Variants in HYDIN observed in about 807,000 individuals in gnomAD.
HYDIN encodes the protein HYDIN axonemal central pair apparatus protein.
In HYDIN, 132 loss-of-function variants were observed where a neutral mutation model predicts 403.9. That is an observed-to-expected ratio of 0.33 (90% CI 0.28 to 0.38). The LOEUF (loss-of-function observed/expected upper bound fraction) is 0.38, where lower values mean the gene tolerates loss of function less well. HYDIN is among the 10% of genes least tolerant of loss of function. The pLI is 1.00. For missense variants in HYDIN, 2,827 were observed against 5,009.5 expected, an observed-to-expected ratio of 0.56 and a Z score of 13.15; for synonymous variants, 1,202 against 1,891.7, an observed-to-expected ratio of 0.64 and a Z score of 9.46.
chr16:70,900,537 C>T (rs2656732), intron 53 of HYDIN, among the ~76,000 whole-genome samples: 135 of 137,152 alleles, frequency 9.8e-4, no homozygotes, highest in Non-Finnish European at 1.6e-3. Context: ...TGGAGGCCTG[C>T]GTCGGAAGGG....
chr16:70,850,793 G>C, intron 73 of HYDIN, 138 bp from the exon 74 acceptor site: 2 of 695,142 alleles, frequency 2.9e-6, no homozygotes, highest in Non-Finnish European at 4.7e-6. Context: ...AAGATTTGTG[G>C]CTATAGTAAC....
intron 43 of HYDIN, among the ~76,000 whole-genome samples, 166 bp from the exon 44 acceptor site, chr16:70,938,921 C>G (rs1184223244): frequency 6.6e-6 from 1 of 152,098 alleles, no homozygotes; most frequent in Admixed American, 6.5e-5. Context: ...TGCACTTCCA[C>G]ATTTGGGCTC....
chr16:71,210,209 C>T (rs1436719080), intron 1 of HYDIN, among the ~76,000 whole-genome samples: 3 of 152,150 alleles, frequency 2.0e-5, no homozygotes, highest in Non-Finnish European at 4.4e-5. Context: ...CACATGCACA[C>T]GTATGTTCAC....
chr16:71,098,875 AATGCC>A (rs2083370679), intron 10 of HYDIN, among the ~76,000 whole-genome samples: 1 of 148,776 alleles, frequency 6.7e-6, no homozygotes, highest in African/African-American at 2.5e-5. Context: ...GAGTACAAGT[AATGCC>A]CAGCCTTGAG....
chr16:70,979,327 G>T (rs1288880562), intron 29 of HYDIN, among the ~76,000 whole-genome samples: 1 of 150,652 alleles, frequency 6.6e-6, no homozygotes. Context: ...CACTCATAGG[G>T]TGACCCACTT....
At chr16:70,981,260 C>T in intron 29 of HYDIN, 131 bp downstream of exon 29, 1 of 1,368,420 alleles carries the variant, frequency 7.3e-7, no homozygotes, top group Non-Finnish European at 9.6e-7. Context: ...TTGGCAATTG[C>T]AGAATAACGT....
intron 53 of HYDIN, among the ~76,000 whole-genome samples, chr16:70,900,290 A>C (rs776550896): frequency 1.3e-4 from 20 of 150,190 alleles, no homozygotes; most frequent in Non-Finnish European, 2.1e-4. Flanking sequence ...AGCCTGGCCA[A>C]CATGGTGAAA....
intron 30 of HYDIN, among the ~76,000 whole-genome samples, chr16:70,976,235 T>C (rs924161289): frequency 6.6e-5 from 10 of 152,246 alleles, no homozygotes; most frequent in African/African-American, 9.6e-5. Flanking sequence ...TTGGATCTGG[T>C]TGGCTCTATA....
intron 18 of HYDIN, among the ~76,000 whole-genome samples, chr16:71,054,492 T>C (rs1469273041): frequency 6.6e-6 from 1 of 152,124 alleles, no homozygotes; most frequent in East Asian, 1.9e-4. Flanking sequence ...CATGGAATCT[T>C]CTAATACAGT....
At chr16:71,133,961 T>C (rs2084813399) in intron 8 of HYDIN, among the ~76,000 whole-genome samples, 1 of 152,120 alleles carries the variant, frequency 6.6e-6, no homozygotes, top group Non-Finnish European at 1.5e-5. Flanking sequence ...GGAACGTCAT[T>C]GCCCAAGTGT....
chr16:70,964,985 TCCTGCTCCTG>T, intron 36 of HYDIN, 89 bp from the exon 37 acceptor site: 1 of 688,874 alleles, frequency 1.5e-6, no homozygotes, highest in Non-Finnish European at 2.5e-6. Context: ...TTTATAAAAC[TCCTGCTCCTG>T]CCTGAGGCTG....
chr16:71,178,419 C>CAA (rs72161442), intron 4 of HYDIN, among the ~76,000 whole-genome samples: 4,532 of 123,804 alleles, frequency 0.037, 262 homozygotes, highest in African/African-American at 0.12. Flanking sequence ...AACTCTGTCT[C>CAA]AAAAAAAAAA....
At chr16:70,925,285 G>A (rs1324252455) in intron 45 of HYDIN, among the ~76,000 whole-genome samples, 5 of 152,226 alleles carry the variant, frequency 3.3e-5, no homozygotes, top group Non-Finnish European at 7.4e-5. Context: ...AGCAGTCCTA[G>A]ACCAGCCTGG....
chr16:71,203,649 A>T, intron 1 of HYDIN: 1 of 425,262 alleles, frequency 2.4e-6, no homozygotes, highest in South Asian at 1.7e-5. Context: ...TGGATTAGGT[A>T]ACCCAGGACA....
chr16:71,061,860 C>CTGTGTGTGTGTGTG (rs1405399157), intron 17 of HYDIN, among the ~76,000 whole-genome samples: 3 of 50,168 alleles, frequency 6.0e-5, no homozygotes, highest in African/African-American at 2.9e-4. Context: ...GCATGTGTGA[C>CTGTGTGTGTGTGTG]AGTGTGTGTG....
chr16:71,186,688 G>T, intron 2 of HYDIN, 73 bp downstream of exon 2: 1 of 1,207,036 alleles, frequency 8.3e-7, no homozygotes, highest in Non-Finnish European at 1.2e-6. Flanking sequence ...TTCTGAGAAT[G>T]CCAAGTAGCA....
chr16:71,021,166 T>G (rs868601123), intron 21 of HYDIN, among the ~76,000 whole-genome samples: 1 of 151,776 alleles, frequency 6.6e-6, no homozygotes, highest in Admixed American at 6.6e-5. Flanking sequence ...AATACCAGGA[T>G]AGTTGATTTA....
intron 1 of HYDIN, among the ~76,000 whole-genome samples, chr16:71,209,442 T>C (rs907028003): frequency 1.4e-4 from 21 of 151,958 alleles, no homozygotes; most frequent in African/African-American, 5.1e-4. Flanking sequence ...AACATCATAC[T>C]GAATGGGCAA....
In HYDIN at chr16:71,057,495, T is replaced by C. The variant is rs568283604; in HGVS notation, c.2529+3009A>G. ...TTAAATTTTATGAAATTAATAATAC[T>C]TGATTATTCAGAAATATCTGACAAA... is the stretch of plus-strand genomic sequence containing the variant. On this transcript the variant is annotated intron_variant, in intron 18 of 85. Coordinates refer to ENST00000393567, the MANE Select transcript of HYDIN (RefSeq NM_001270974.2). 1.9e-4 allele frequency among the ~76,000 whole-genome samples: 29 copies of C among 152,358 alleles called. No individual in the cohort carries two copies. In the East Asian group the frequency reaches 5.6e-3, roughly 29 times the overall value.
Sources: gnomAD v4.1 joint callset for allele counts (sites outside exome capture counted in the v4.1 genomes callset) on GRCh38, gnomAD v4.1.1 for gene constraint, MANE v1.5 for transcripts, NCBI Gene and HGNC (gene_info 2026-07-23, HGNC 2026-07-21) for gene names.